The following DOK6 variants were observed in gnomAD, a reference collection of about 807,000 sequenced individuals.
The protein encoded by DOK6 is downstream of tyrosine kinase 6.
A neutral mutation model predicts 44.0 loss-of-function variants in DOK6; 22 were observed. The observed-to-expected ratio is 0.50, with a 90% CI of 0.36 to 0.71. The LOEUF is 0.71. Among genes scored for constraint, DOK6 ranks in the 30% least tolerant of loss-of-function variants. The pLI, the probability that DOK6 is intolerant of heterozygous loss-of-function variation, is 0.00. For synonymous variants in DOK6, 166 were observed against 145.5 expected (o/e 1.14, Z -1.01); for missense variants, 340 against 416.4 (o/e 0.82, Z 1.60).
chr18:69,534,031 T>C (rs549513131), intron 1 of DOK6, among the ~76,000 whole-genome samples: 4,571 of 152,270 alleles, frequency 0.03, 83 homozygotes, highest in Middle Eastern at 0.048. Flanking sequence ...TAATTTTGTC[T>C]CAGGCACTGG....
chr18:69,504,466 C>T (rs1981129822), intron 1 of DOK6, among the ~76,000 whole-genome samples: 1 of 152,042 alleles, frequency 6.6e-6, no homozygotes, highest in African/African-American at 2.4e-5. Flanking sequence ...TGATATTTTT[C>T]TGAGCCTGCT....
chr18:69,442,826 A>T (rs1979174502), intron 1 of DOK6, among the ~76,000 whole-genome samples: 1 of 152,024 alleles, frequency 6.6e-6, no homozygotes, highest in Non-Finnish European at 1.5e-5. Context: ...CACATCTTTC[A>T]TTGTATATCT....
At chr18:69,600,637 C>A (rs1467702574) in intron 3 of DOK6, among the ~76,000 whole-genome samples, 1 of 151,726 alleles carries the variant, frequency 6.6e-6, no homozygotes, top group African/African-American at 2.4e-5. Flanking sequence ...CTTTATTTTT[C>A]TCTGGGCTCT....
chr18:69,754,103 T>C (rs1979275575), intron 6 of DOK6, among the ~76,000 whole-genome samples: 1 of 152,184 alleles, frequency 6.6e-6, no homozygotes, highest in South Asian at 2.1e-4. Flanking sequence ...ATTTTAAGTT[T>C]TGTTTTTTCT....
At chr18:69,553,322 T>C (rs560848714) in intron 1 of DOK6, among the ~76,000 whole-genome samples, 14 of 152,344 alleles carry the variant, frequency 9.2e-5, no homozygotes, top group African/African-American at 2.6e-4. Flanking sequence ...AGTTCATTAT[T>C]TCACACAAGA....
intron 1 of DOK6, among the ~76,000 whole-genome samples, chr18:69,408,220 C>A (rs1309802955): frequency 2.0e-5 from 3 of 152,278 alleles, no homozygotes; most frequent in Non-Finnish European, 2.9e-5. Flanking sequence ...GTGTACCCTT[C>A]AAAGTCAAGA....
chr18:69,641,163 C>A (rs1469764406), intron 3 of DOK6, among the ~76,000 whole-genome samples: 2 of 151,028 alleles, frequency 1.3e-5, no homozygotes, highest in Non-Finnish European at 2.9e-5. Context: ...TGCAGTGAGC[C>A]GAGATCATGC....
At chr18:69,685,637 A>G (rs984136805) in intron 4 of DOK6, among the ~76,000 whole-genome samples, 6 of 152,170 alleles carry the variant, frequency 3.9e-5, no homozygotes, top group African/African-American at 1.4e-4. Flanking sequence ...CTATTTTAAC[A>G]ATTCTAGTGA....
chr18:69,681,480 T>C (rs995985009), intron 4 of DOK6, among the ~76,000 whole-genome samples: 1 of 152,232 alleles, frequency 6.6e-6, no homozygotes, highest in African/African-American at 2.4e-5. Flanking sequence ...CTTGTTTTCA[T>C]ATCGACCCAG....
At chr18:69,768,159 A>G (rs1428724702) in intron 7 of DOK6, among the ~76,000 whole-genome samples, 1 of 152,194 alleles carries the variant, frequency 6.6e-6, no homozygotes. Context: ...AATAAATTAT[A>G]CATATATATT....
rs191616380 is a variant in DOK6 at position 69,588,790 on chromosome 18, C to A, written c.175-10594C>A. The stretch of plus-strand genomic sequence containing the variant: ...TTATAGTTAATTTTAATTCTAATAT[C>A]ATTATGCATATAATTATATTATAAT... On this transcript the variant is annotated intron_variant, in intron 2 of 7. Transcript: ENST00000382713. Among the ~76,000 whole-genome samples, 719 of 150,934 alleles carry A rather than the reference C, an allele frequency of 4.8e-3. 5 individuals carry two copies. The highest frequency in any genetic ancestry group is 0.017 in the African/African-American group (686 of 41,284).
chr18:69,653,421 G>A (rs1985283386), intron 3 of DOK6, among the ~76,000 whole-genome samples: 1 of 152,104 alleles, frequency 6.6e-6, no homozygotes, highest in Non-Finnish European at 1.5e-5. Context: ...ATTTGACTCT[G>A]TGTTGCTTCC....
chr18:69,839,695 G>A (rs1221401628), intron 7 of DOK6, among the ~76,000 whole-genome samples: 1 of 152,208 alleles, frequency 6.6e-6, no homozygotes, highest in Non-Finnish European at 1.5e-5. Flanking sequence ...GCCAGGCGAG[G>A]AGGAGTGCGG....
At chr18:69,832,273 C>T (rs1233799028) in intron 7 of DOK6, among the ~76,000 whole-genome samples, 2 of 152,094 alleles carry the variant, frequency 1.3e-5, no homozygotes, top group African/African-American at 4.8e-5. Flanking sequence ...GCTTCTATAG[C>T]ATCTATTAAA....
At chr18:69,622,882 G>C (rs1055238671) in intron 3 of DOK6, among the ~76,000 whole-genome samples, 1 of 152,200 alleles carries the variant, frequency 6.6e-6, no homozygotes, top group African/African-American at 2.4e-5. Context: ...AAAATTGCTT[G>C]TGTTTACCAA....
rs111986139 is a variant in DOK6 at position 69,669,588 on chromosome 18, G to A, written c.290-8146G>A. On this transcript the variant is annotated intron_variant, in intron 3 of 7. Coordinates refer to ENST00000382713, the MANE Select transcript of DOK6 (RefSeq NM_152721.6). Reference sequence around the variant, plus strand: ...GATGTCCTTCGAAATCTCTTCCTTCGAACATTTTCAGTACTTTCAGGTTAC... The same window carrying A: ...GATGTCCTTCGAAATCTCTTCCTTCAAACATTTTCAGTACTTTCAGGTTAC... 1.7e-3 allele frequency among the ~76,000 whole-genome samples: 266 copies of A among 152,038 alleles called. 1 individual carries two copies. The highest frequency in any genetic ancestry group is 3.0e-3 in the Non-Finnish European group (203 of 68,006).
intron 1 of DOK6, among the ~76,000 whole-genome samples, chr18:69,523,878 C>T (rs1248287354): frequency 6.6e-6 from 1 of 151,972 alleles, no homozygotes; most frequent in East Asian, 1.9e-4. Context: ...AATGCATGAA[C>T]ATCATCTACA....
chr18:69,733,746 A>G lies in DOK6; in HGVS notation c.600-5219A>G, dbSNP rs2144733519. 2.6e-5 allele frequency among the ~76,000 whole-genome samples: 4 copies of G among 152,184 alleles called. No individual in the cohort carries two copies. The South Asian group carries it at 8.3e-4, about 32-fold the overall frequency. Reference sequence around the variant, plus strand: ...CATAATTTTTTCATAGAGTTCTTTGAGCATTAAAAAATTAATGTGTGTAAA... The same window carrying G: ...CATAATTTTTTCATAGAGTTCTTTGGGCATTAAAAAATTAATGTGTGTAAA... On this transcript the variant is annotated intron_variant, in intron 5 of 7. Transcript: ENST00000382713.
chr18:69,481,453 T>C (rs931463918), intron 1 of DOK6, among the ~76,000 whole-genome samples: 2 of 151,716 alleles, frequency 1.3e-5, no homozygotes, highest in African/African-American at 4.8e-5. Flanking sequence ...AATTCCCACC[T>C]ATGAGTGAGA....
Sources: gnomAD v4.1 joint callset for allele counts (sites outside exome capture counted in the v4.1 genomes callset) on GRCh38, gnomAD v4.1.1 for gene constraint, MANE v1.5 for transcripts, NCBI Gene and HGNC (gene_info 2026-07-23, HGNC 2026-07-21) for gene names.